DPF3: variants seen among roughly 807,000 people sequenced by gnomAD.
DPF3 encodes double PHD fingers 3, also known as zinc finger protein DPF3.
DPF3 carries 18 observed loss-of-function variants against 56.8 expected under a neutral mutation model. The ratio of observed to expected loss-of-function variants is 0.32; its 90% CI spans 0.22 to 0.47. DPF3 has a LOEUF of 0.47. Among genes scored for constraint, DPF3 ranks in the 20% least tolerant of loss-of-function variants. The pLI, the probability that DPF3 is intolerant of heterozygous loss-of-function variation, is 1.00. For synonymous variants in DPF3, 188 were observed against 180.2 expected (o/e 1.04, Z -0.35); for missense variants, 403 against 488.8 (o/e 0.82, Z 1.65).
chr14:72,790,060 T>C (rs1441850827), intron 1 of DPF3, among the ~76,000 whole-genome samples: 4 of 152,056 alleles, frequency 2.6e-5, no homozygotes, highest in Admixed American at 1.3e-4. Flanking sequence ...AAGACCAGCC[T>C]GGGCAACATA....
At chr14:72,800,178 G>T (rs1463931618) in intron 1 of DPF3, among the ~76,000 whole-genome samples, 1 of 152,274 alleles carries the variant, frequency 6.6e-6, no homozygotes, top group Admixed American at 6.5e-5. Flanking sequence ...TTGAAATAAG[G>T]ATGGTTCACT....
chr14:72,745,059 G>A (rs1343833842), intron 3 of DPF3, among the ~76,000 whole-genome samples: 1 of 138,632 alleles, frequency 7.2e-6, no homozygotes, highest in African/African-American at 2.6e-5. Flanking sequence ...GGCTGGGAGG[G>A]AAGATGAGGA....
At chr14:72,868,207 T>C (rs1244277426) in intron 1 of DPF3, among the ~76,000 whole-genome samples, 2 of 152,122 alleles carry the variant, frequency 1.3e-5, no homozygotes, top group African/African-American at 4.8e-5. Context: ...GAAAGAGGTA[T>C]GAAGGAAGAA....
At position 72,735,920 on chromosome 14, in the gene DPF3, T is replaced by A. The variant is rs962688589; in HGVS notation, c.302-3986A>T. On this transcript the variant is annotated intron_variant, in intron 3 of 10. Transcript: ENST00000556509. The stretch of plus-strand genomic sequence containing the variant: ...TAAATAGGGTAGAAGATGAGGCTTA[T>A]CAACTTTTGTTTTATTCTATTCAAA... Among the ~76,000 whole-genome samples, 3 of 152,250 alleles carry A rather than the reference T, an allele frequency of 2.0e-5. No individual in the cohort carries two copies. The East Asian group carries it at 5.8e-4, about 29-fold the overall frequency.
At chr14:72,763,652 A>G (rs1055984331) in intron 2 of DPF3, among the ~76,000 whole-genome samples, 7 of 152,210 alleles carry the variant, frequency 4.6e-5, no homozygotes, top group Admixed American at 3.3e-4. Flanking sequence ...AAAAAATAAG[A>G]GAAACCCTGA....
At chr14:72,739,306 G>A (rs1890032869) in intron 3 of DPF3, among the ~76,000 whole-genome samples, 1 of 151,808 alleles carries the variant, frequency 6.6e-6, no homozygotes, top group African/African-American at 2.4e-5. Context: ...AAGCTGCTCT[G>A]GGGTGAACTC....
intron 1 of DPF3, among the ~76,000 whole-genome samples, chr14:72,858,151 G>A (rs1239962445): frequency 6.6e-6 from 1 of 151,848 alleles, no homozygotes; most frequent in Non-Finnish European, 1.5e-5. Flanking sequence ...CCAAAAATAT[G>A]AAACAAATTA....
chr14:72,619,303 C>T lies in DPF3; in HGVS notation c.1131G>A (p.Gln377=), dbSNP rs771744145. 1.0e-5 allele frequency: 16 copies of T among 1,536,086 alleles called. 1 individual carries two copies. The highest frequency in any genetic ancestry group is 9.5e-5 in the South Asian group (8 of 84,056). ...CATTCTGTGACCTGGGGCCCTAGGCCTGGCAGCCAAAGGCTGAGGCTTTCT... is the reference window on the plus strand; with the variant it reads ...CATTCTGTGACCTGGGGCCCTAGGCTTGGCAGCCAAAGGCTGAGGCTTTCT... ...LKEKASAFGC[Q]A Residue 377 remains glutamine, a synonymous_variant, in exon 11 of 11, where the codon CAG becomes CAA. Transcript: ENST00000556509.
Position 72,619,060 on chromosome 14 carries a change from C to T in DPF3, c.*237G>A, listed in dbSNP as rs901809299. On this transcript the variant is annotated 3_prime_UTR_variant, in exon 11 of 11. Coordinates refer to ENST00000556509, the MANE Select transcript of DPF3 (RefSeq NM_001280542.3). Reference sequence around the variant, plus strand: ...CAGGGCTGGGGCCGGAGGTGTTCTCCCAAAGTGCAACTTCCTTCCGGTAGA... The same window carrying T: ...CAGGGCTGGGGCCGGAGGTGTTCTCTCAAAGTGCAACTTCCTTCCGGTAGA... Among the ~76,000 whole-genome samples, 4 of 152,186 alleles carry T rather than the reference C, an allele frequency of 2.6e-5. No individual in the cohort carries two copies. Among genetic ancestry groups the T allele is most frequent in the African/African-American group, 9.7e-5 (4 of 41,448 alleles).
In DPF3 at chr14:72,893,594, G is replaced by A. The variant is rs1302583725; in HGVS notation, c.32+463C>T. On this transcript the variant is annotated intron_variant, in intron 1 of 10. Coordinates refer to ENST00000556509, the MANE Select transcript of DPF3 (RefSeq NM_001280542.3). ...CGCTGGACCCAGCGGACCCAGCGGC[G>A]GGGCGGGGGCCGCGGGCTCGGGGGC... 3.9e-5 allele frequency among the ~76,000 whole-genome samples: 6 copies of A among 151,980 alleles called. No individual in the cohort carries two copies. In the East Asian group the frequency reaches 5.9e-4, roughly 15 times the overall value.
intron 1 of DPF3, among the ~76,000 whole-genome samples, chr14:72,882,824 G>C (rs1886371406): frequency 6.6e-6 from 1 of 151,904 alleles, no homozygotes; most frequent in Non-Finnish European, 1.5e-5. Flanking sequence ...CTCACCTATA[G>C]TGGTTTTCCT....
chr14:72,780,507 A>C (rs777056050), intron 1 of DPF3, among the ~76,000 whole-genome samples: 2 of 152,240 alleles, frequency 1.3e-5, no homozygotes, highest in Non-Finnish European at 2.9e-5. Flanking sequence ...CATCCTCAGC[A>C]AACTAATGAA....
At chr14:72,638,803 A>C (rs901543312) in intron 8 of DPF3, among the ~76,000 whole-genome samples, 1 of 151,004 alleles carries the variant, frequency 6.6e-6, no homozygotes, top group Non-Finnish European at 1.5e-5. Context: ...CATGACACTT[A>C]GACACTTTGT....
chr14:72,840,183 C>T (rs188093936), intron 1 of DPF3, among the ~76,000 whole-genome samples: 1 of 152,336 alleles, frequency 6.6e-6, no homozygotes, highest in African/African-American at 2.4e-5. Context: ...CAATGGCCTT[C>T]ACTTGTAACA....
At chr14:72,864,284 T>C (rs1885572739) in intron 1 of DPF3, among the ~76,000 whole-genome samples, 1 of 152,046 alleles carries the variant, frequency 6.6e-6, no homozygotes, top group South Asian at 2.1e-4. Context: ...ATCACCACCT[T>C]CTCAGTGAAG....
intron 8 of DPF3, among the ~76,000 whole-genome samples, chr14:72,668,267 A>G (rs1285965623): frequency 1.3e-5 from 2 of 152,124 alleles, no homozygotes; most frequent in African/African-American, 2.4e-5. Flanking sequence ...AGTCCCTCCA[A>G]CTTAACTCAC....
At chr14:72,880,164 C>A (rs1474227145) in intron 1 of DPF3, among the ~76,000 whole-genome samples, 1 of 152,186 alleles carries the variant, frequency 6.6e-6, no homozygotes, top group African/African-American at 2.4e-5. Flanking sequence ...ATCACCAAAA[C>A]AAATACCTGT....
At chr14:72,738,960 G>T (rs1328946173) in intron 3 of DPF3, among the ~76,000 whole-genome samples, 1 of 152,084 alleles carries the variant, frequency 6.6e-6, no homozygotes, top group Non-Finnish European at 1.5e-5. Flanking sequence ...AAAAATGCAG[G>T]CTGGGAGCAG....
rs1349090943 is a variant in DPF3, at chr14:72,613,201, A to C, written c.*6096T>G. 6.6e-6 allele frequency among the ~76,000 whole-genome samples: 1 copy of C among 152,004 alleles called. No homozygotes were observed. Reference sequence around the variant, plus strand: ...GTCTGTAGGGTTGTGTTGCTGAGGGAATATATAGGCCCCAGGGGCTCACAG... The same window carrying C: ...GTCTGTAGGGTTGTGTTGCTGAGGGCATATATAGGCCCCAGGGGCTCACAG... On this transcript the variant is annotated 3_prime_UTR_variant, in exon 11 of 11. Transcript: ENST00000556509.
Sources: gnomAD v4.1 joint callset for allele counts (sites outside exome capture counted in the v4.1 genomes callset) on GRCh38, gnomAD v4.1.1 for gene constraint, MANE v1.5 for transcripts, NCBI Gene and HGNC (gene_info 2026-07-23, HGNC 2026-07-21) for gene names.